PAH: variants seen among roughly 807,000 people sequenced by gnomAD.
PAH encodes phenylalanine hydroxylase, also known as phenylalanine-4-hydroxylase.
A neutral mutation model predicts 62.0 loss-of-function variants in PAH; 64 were observed. The observed-to-expected ratio is 1.03, with a 90% CI of 0.84 to 1.27. PAH has a LOEUF of 1.27. PAH is among the 50% of genes most tolerant of loss of function. The pLI, the probability that PAH is intolerant of heterozygous loss-of-function variation, is 0.00. For missense variants in PAH, 579 were observed against 542.8 expected (o/e 1.07, Z -0.66); for synonymous variants, 195 against 196.2 (o/e 0.99, Z 0.05).
chr12:102,887,241 G>A (rs1437616615), intron 3 of PAH, among the ~76,000 whole-genome samples: 2 of 151,848 alleles, frequency 1.3e-5, no homozygotes, highest in South Asian at 2.1e-4. Flanking sequence ...GGGAAGGAAC[G>A]AGGAAGAAAG....
intron 5 of PAH, among the ~76,000 whole-genome samples, 174 bp from the exon 6 acceptor site, chr12:102,855,506 T>A (rs1875385555): frequency 6.6e-6 from 1 of 152,134 alleles, no homozygotes; most frequent in Admixed American, 6.5e-5. Context: ...TAGGAAACAT[T>A]GTTGTTTTGA....
At chr12:102,907,203 G>T (rs987912656) in intron 2 of PAH, among the ~76,000 whole-genome samples, 3 of 152,108 alleles carry the variant, frequency 2.0e-5, no homozygotes, top group Non-Finnish European at 4.4e-5. Flanking sequence ...CAATATGAAA[G>T]AAAAAATACC....
intron 8 of PAH, chr12:102,847,197 C>T (rs1874890479): frequency 1.9e-6 from 1 of 535,480 alleles, no homozygotes; most frequent in Admixed American, 3.1e-5. Flanking sequence ...AATTGAGGCA[C>T]AGAGAAGGGA....
Position 102,855,146 on chromosome 12 carries a change from C to G in PAH, c.696G>C (p.Gln232His), listed in dbSNP as rs1126758. The change falls in exon 6 of 13, where the codon CAG (glutamine) becomes CAC (histidine). Residue 232 changes from glutamine (Q) to histidine (H), a missense_variant. By Grantham distance (24) the Gln-to-His change is conservative. Coordinates refer to ENST00000553106, the MANE Select transcript of PAH (RefSeq NM_000277.3). ...DNIPQLEDVSQFLQTCTGFRL... is the reference protein window; with the variant it reads ...DNIPQLEDVSHFLQTCTGFRL... ...CTGATGTGGACTTACTCTGCAGGAA[C>G]TGAGAAACGTCTTCCAGCTGGGGAA... The G allele has an allele frequency of 6.2e-7, 1 of 1,613,662 alleles. No individual in the cohort carries two copies. Among genetic ancestry groups the G allele is most frequent in the Non-Finnish European group, 8.5e-7 (1 of 1,179,690 alleles).
intron 2 of PAH, among the ~76,000 whole-genome samples, chr12:102,897,471 A>G (rs201274388): frequency 5.6e-5 from 6 of 106,260 alleles, no homozygotes; most frequent in African/African-American, 1.5e-4. Context: ...GTGTGTATAT[A>G]TATATATATA....
At position 102,839,100 on chromosome 12, in the gene PAH, C is replaced by T; in HGVS notation, c.*75G>A. On this transcript the variant is annotated 3_prime_UTR_variant, in exon 13 of 13. Transcript: ENST00000553106. Reference sequence around the variant, plus strand: ...TTCAAATTAAGGTTTGCTTTTCGGACTTTTTCTGATGAAAGAAATAGTTGG... The same window carrying T: ...TTCAAATTAAGGTTTGCTTTTCGGATTTTTTCTGATGAAAGAAATAGTTGG... The T allele has an allele frequency of 2.1e-6, 3 of 1,443,672 alleles. No individual in the cohort carries two copies. The highest frequency in any genetic ancestry group is 2.9e-6 in the Non-Finnish European group (3 of 1,026,316). The allele number at this position is 1,443,672 out of a possible 1,614,324, so 89.4% of individuals were successfully genotyped here. A position where few individuals can be genotyped will look rare whatever the true frequency, so the allele number is the denominator to read the frequency against.
At chr12:102,955,127 C>T (rs899048471), upstream of PAH, among the ~76,000 whole-genome samples, 16 of 152,194 alleles carry the variant, frequency 1.1e-4, no homozygotes, top group African/African-American at 3.9e-4. Context: ...AGTAAGGCCA[C>T]TACAAGACAA....
intron 3 of PAH, among the ~76,000 whole-genome samples, chr12:102,887,243 G>A (rs1256655587): frequency 6.6e-6 from 1 of 151,542 alleles, no homozygotes; most frequent in Non-Finnish European, 1.5e-5. Flanking sequence ...GAAGGAACGA[G>A]GAAGAAAGAA....
intron 1 of PAH, among the ~76,000 whole-genome samples, chr12:102,928,342 T>C (rs1878746021): frequency 6.6e-6 from 1 of 152,198 alleles, no homozygotes; most frequent in South Asian, 2.1e-4. Flanking sequence ...AAATGTACAA[T>C]AAATTACTGT....
chr12:102,937,801 C>T (rs1298155268), intron 1 of PAH, among the ~76,000 whole-genome samples: 2 of 152,118 alleles, frequency 1.3e-5, no homozygotes, highest in Non-Finnish European at 2.9e-5. Context: ...TGCTCATTAA[C>T]ATCATTTTCT....
At chr12:102,857,163 G>A (rs930250617) in intron 5 of PAH, among the ~76,000 whole-genome samples, 1 of 152,196 alleles carries the variant, frequency 6.6e-6, no homozygotes, top group Non-Finnish European at 1.5e-5. Flanking sequence ...ACCATGGCAC[G>A]AGAACTACGT....
intron 1 of PAH, among the ~76,000 whole-genome samples, chr12:102,923,346 A>G (rs951292252): frequency 6.6e-6 from 1 of 152,202 alleles, no homozygotes. Context: ...GTATACAACA[A>G]ACTTGGTTTC....
intron 4 of PAH, among the ~76,000 whole-genome samples, chr12:102,868,532 C>T (rs1453187312): frequency 2.0e-5 from 3 of 151,904 alleles, no homozygotes; most frequent in South Asian, 2.1e-4. Context: ...ATAACTCTTC[C>T]TTTCCCTAGA....
rs1013764205 is a variant in PAH at position 102,851,538 on chromosome 12, G to A, written c.912+149C>T. 1.1e-5 allele frequency: 8 copies of A among 704,212 alleles called. No homozygotes were observed. The African/African-American group carries it at 1.2e-4, about 11-fold the overall frequency. 43.6% of individuals were successfully genotyped at this position (704,212 alleles called of 1,614,324 possible). On this transcript the variant is annotated intron_variant, in intron 8 of 12. Transcript: ENST00000553106. ...TCCGAAATGGGTATTTAGCTTCCCA[G>A]AACCACACACCCATTTCAGGTGGGA...
In PAH at chr12:102,852,835, C is replaced by G. The variant is rs1160691269; in HGVS notation, c.822G>C (p.Lys274Asn). The change falls in exon 7 of 13, where the codon AAG becomes AAC. Residue 274 changes from lysine (K) to asparagine (N), a missense_variant. By Grantham distance (94) the Lys-to-Asn change is moderately conservative (BLOSUM62 0). Coordinates refer to ENST00000553106, the MANE Select transcript of PAH (RefSeq NM_000277.3). The part of the protein sequence containing the change: ...HCTQYIRHGS[K>N]PMYTPEPDIC... ...CTCACGGTTCGGGGGTATACATGGGCTTGGATCCATGTCTGATGTACTGTG... is the reference window on the plus strand; with the variant it reads ...CTCACGGTTCGGGGGTATACATGGGGTTGGATCCATGTCTGATGTACTGTG... 1 of 1,614,030 alleles carries G rather than the reference C, an allele frequency of 6.2e-7. No individual in the cohort carries two copies. Among genetic ancestry groups the G allele is most frequent in the Non-Finnish European group, 8.5e-7 (1 of 1,179,978 alleles).
upstream of PAH, among the ~76,000 whole-genome samples, chr12:102,952,179 G>C (rs570917487): frequency 2.6e-5 from 4 of 152,282 alleles, no homozygotes; most frequent in African/African-American, 4.8e-5. Flanking sequence ...GATTGTGAAG[G>C]GGGGAGAGCT....
chr12:102,847,524 T>G (rs568136476), intron 8 of PAH: 17 of 159,104 alleles, frequency 1.1e-4, no homozygotes, highest in Admixed American at 9.4e-4. Flanking sequence ...CTGTATATAT[T>G]AATTCACTCT....
intron 3 of PAH, among the ~76,000 whole-genome samples, chr12:102,883,820 C>A (rs1217413590): frequency 6.6e-6 from 1 of 152,192 alleles, no homozygotes; most frequent in Non-Finnish European, 1.5e-5. Context: ...ACTTTGGAGC[C>A]AGACCACCTA....
At chr12:102,846,246 A>G (rs1225031504) in intron 9 of PAH, among the ~76,000 whole-genome samples, 1 of 152,182 alleles carries the variant, frequency 6.6e-6, no homozygotes, top group African/African-American at 2.4e-5. Context: ...AAGCTTCTAA[A>G]CTGATATATC....
Sources: allele counts gnomAD v4.1 joint callset (sites outside exome capture counted in the v4.1 genomes callset), GRCh38; gene constraint gnomAD v4.1.1; transcripts MANE v1.5; gene names NCBI Gene and HGNC (gene_info 2026-07-23, HGNC 2026-07-21).